C1GALT1: variants seen among roughly 807,000 people sequenced by gnomAD.
C1GALT1 encodes the protein core 1 synthase, glycoprotein-N-acetylgalactosamine 3-beta-galactosyltransferase 1.
A neutral mutation model predicts 31.0 loss-of-function variants in C1GALT1; 11 were observed. The observed-to-expected ratio is 0.36, with a 90% confidence interval of 0.22 to 0.59. The LOEUF (loss-of-function observed/expected upper bound fraction) is 0.59, where lower values mean the gene tolerates loss of function less well. Among genes scored for constraint, C1GALT1 ranks in the 20% least tolerant of loss-of-function variants. The pLI, the probability that C1GALT1 is intolerant of heterozygous loss-of-function variation, is 0.79. For missense variants in C1GALT1, 424 were observed against 425.2 expected, an observed-to-expected ratio of 1.00 and a Z score of 0.03; for synonymous variants, 175 against 143.6, an observed-to-expected ratio of 1.22 and a Z score of -1.56.
chr7:7,244,218 C>T lies in C1GALT1; in HGVS notation c.*491C>T, dbSNP rs575479791. 6.6e-6 allele frequency: 1 copy of T among 152,300 alleles called. No individual in the cohort carries two copies. Among genetic ancestry groups the T allele is most frequent in the South Asian group, 2.1e-4 (1 of 4,822 alleles). The allele number at this position is 152,300 out of a possible 1,614,324, so 9.4% of individuals were successfully genotyped here. A position where few individuals can be genotyped will look rare whatever the true frequency, so the allele number is the denominator to read the frequency against. ...TATAAATGATACCCCCCTACCACAC[C>T]CACACACACAGTTTTTGTCTAATGA... On this transcript the variant is annotated 3_prime_UTR_variant, in exon 4 of 4. Transcript: ENST00000436587.
In C1GALT1 at chr7:7,239,503, G is replaced by A. The variant is rs181497513; in HGVS notation, c.888+581G>A. On this transcript the variant is annotated intron_variant, in intron 3 of 3. Transcript: ENST00000436587. Reference sequence around the variant, plus strand: ...AATCCTGCTCTCTCACTTAATAGCCGAACAACCTTGGATGGACAGGAGCCT... The same window carrying A: ...AATCCTGCTCTCTCACTTAATAGCCAAACAACCTTGGATGGACAGGAGCCT... Among the ~76,000 whole-genome samples, 18 of 152,196 alleles carry A rather than the reference G, an allele frequency of 1.2e-4. No individual in the cohort carries two copies. In the East Asian group the frequency reaches 3.3e-3, roughly 28 times the overall value.
chr7:7,210,342 TG>T (rs1781935528), intron 1 of C1GALT1: 1 of 152,306 alleles, frequency 6.6e-6, no homozygotes, highest in African/African-American at 2.4e-5. Context: ...GTCCAGTTTA[TG>T]GCTTTGTATT....
At chr7:7,185,110 G>T (rs1261251467) in intron 1 of C1GALT1, among the ~76,000 whole-genome samples, 4 of 152,116 alleles carry the variant, frequency 2.6e-5, no homozygotes, top group Non-Finnish European at 4.4e-5. Context: ...AATATATAAA[G>T]AAACTGGTGT....
intron 1 of C1GALT1, among the ~76,000 whole-genome samples, chr7:7,206,306 T>A (rs1456047430): frequency 6.6e-6 from 1 of 152,210 alleles, no homozygotes; most frequent in Non-Finnish European, 1.5e-5. Context: ...TATTTTTTCA[T>A]ATAGCTACAA....
At chr7:7,240,181 T>A (rs1284785074) in intron 3 of C1GALT1, among the ~76,000 whole-genome samples, 1 of 152,210 alleles carries the variant, frequency 6.6e-6, no homozygotes, top group Non-Finnish European at 1.5e-5. Flanking sequence ...TGGAGACATT[T>A]TTGGTTGTTA....
intron 1 of C1GALT1, among the ~76,000 whole-genome samples, chr7:7,211,205 T>C (rs1172982966): frequency 6.6e-6 from 1 of 152,060 alleles, no homozygotes; most frequent in Non-Finnish European, 1.5e-5. Context: ...GGCCCAGATA[T>C]CAATACAAGA....
At chr7:7,183,299 C>T (rs1383135276) in intron 1 of C1GALT1, among the ~76,000 whole-genome samples, 1 of 152,090 alleles carries the variant, frequency 6.6e-6, no homozygotes, top group Non-Finnish European at 1.5e-5. Context: ...GCACCTTCGC[C>T]GGGGAGCCAC....
intron 1 of C1GALT1, among the ~76,000 whole-genome samples, chr7:7,205,221 C>A (rs905297816): frequency 1.3e-5 from 2 of 152,050 alleles, no homozygotes; most frequent in Non-Finnish European, 2.9e-5. Flanking sequence ...ATATAGCTGA[C>A]CCCTGAACAA....
Position 7,234,515 on chromosome 7 carries a change from A to C in C1GALT1, c.196A>C (p.Asn66His), listed in dbSNP as rs764112430. 12 of 1,611,912 alleles carry C rather than the reference A, an allele frequency of 7.4e-6. No individual in the cohort carries two copies. The Admixed American group carries it at 1.8e-4, about 25-fold the overall frequency. Residue 66 changes from asparagine (N) to histidine (H), a missense_variant, in exon 2 of 4, where the codon AAT (asparagine) becomes CAT (histidine). This residue lies in a region of C1GALT1 where 189 missense variants were observed against 158.2 expected (regional missense o/e 1.19). Coordinates refer to ENST00000436587, the MANE Select transcript of C1GALT1 (RefSeq NM_020156.5). Reference protein sequence around the residue: ...QNHLEGQMNFNADSSQHKDEN... With the variant: ...QNHLEGQMNFHADSSQHKDEN... ...TCATCTAGAAGGACAAATGAACTTCAATGCAGATTCTAGCCAACATAAAGG... is the reference window on the plus strand; with the variant it reads ...TCATCTAGAAGGACAAATGAACTTCCATGCAGATTCTAGCCAACATAAAGG...
intron 1 of C1GALT1, among the ~76,000 whole-genome samples, chr7:7,226,009 G>A (rs1782743135): frequency 6.6e-6 from 1 of 152,082 alleles, no homozygotes; most frequent in Non-Finnish European, 1.5e-5. Flanking sequence ...TGGCTGGTTT[G>A]GGTCCATTTA....
At chr7:7,221,569 G>A (rs1782512652) in intron 1 of C1GALT1, among the ~76,000 whole-genome samples, 1 of 152,190 alleles carries the variant, frequency 6.6e-6, no homozygotes, top group Non-Finnish European at 1.5e-5. Context: ...AATAAAAAGC[G>A]AATTGAAATG....
chr7:7,185,890 A>G (rs910301240), intron 1 of C1GALT1, among the ~76,000 whole-genome samples: 3 of 152,262 alleles, frequency 2.0e-5, no homozygotes, highest in African/African-American at 7.2e-5. Context: ...TATAGTGGAA[A>G]CAGGATGGGA....
chr7:7,198,857 A>G (rs1200063185), intron 1 of C1GALT1, among the ~76,000 whole-genome samples: 2 of 152,086 alleles, frequency 1.3e-5, no homozygotes, highest in African/African-American at 4.8e-5. Context: ...GGTAGTTTGT[A>G]TTTCTGTGGG....
intron 1 of C1GALT1, among the ~76,000 whole-genome samples, chr7:7,211,300 C>T (rs1232061496): frequency 6.6e-6 from 1 of 152,096 alleles, no homozygotes; most frequent in Non-Finnish European, 1.5e-5. Context: ...TTTGTAGCCA[C>T]CCGGGGCTGA....
chr7:7,223,991 A>G (rs1583810828), intron 1 of C1GALT1, among the ~76,000 whole-genome samples: 1 of 152,264 alleles, frequency 6.6e-6, no homozygotes, highest in South Asian at 2.1e-4. Flanking sequence ...GATTTTGTCA[A>G]GTATTTTTTC....
At chr7:7,207,313 CTG>C (rs1781783640) in intron 1 of C1GALT1, among the ~76,000 whole-genome samples, 1 of 96,580 alleles carries the variant, frequency 1.0e-5, no homozygotes, top group Non-Finnish European at 2.3e-5. Flanking sequence ...TTTTCATTCT[CTG>C]TGTTTCTCTT....
chr7:7,230,795 G>A (rs184298928), intron 1 of C1GALT1, among the ~76,000 whole-genome samples: 176 of 150,158 alleles, frequency 1.2e-3, no homozygotes, highest in Non-Finnish European at 2.0e-3. Flanking sequence ...AACAACTCCT[G>A]GACAGTGAAA....
intron 1 of C1GALT1, among the ~76,000 whole-genome samples, chr7:7,201,437 G>T (rs921857409): frequency 1.3e-5 from 2 of 152,142 alleles, no homozygotes; most frequent in Non-Finnish European, 2.9e-5. Flanking sequence ...TCCCAGTTAG[G>T]CTACTGGGAG....
At chr7:7,173,246 CCCCTCCACCT>C (rs761833462) in intron 2 of C1GALT1, among the ~76,000 whole-genome samples, 3 of 151,862 alleles carry the variant, frequency 2.0e-5, no homozygotes, top group Non-Finnish European at 2.9e-5. Flanking sequence ...TGTGGCATCA[CCCCTCCACCT>C]CTGTCTCTTG....
Sources: gnomAD v4.1 joint callset for allele counts (sites outside exome capture counted in the v4.1 genomes callset) on GRCh38, gnomAD v4.1.1 for gene constraint, gnomAD v4.1.1 regional missense constraint, MANE v1.5 for transcripts, NCBI Gene and HGNC (gene_info 2026-07-23, HGNC 2026-07-21) for gene names.